AFF3: variants seen among roughly 807,000 people sequenced by gnomAD.
AFF3 encodes AF4/FMR2 family member 3.
In AFF3, 32 loss-of-function variants were observed where a neutral mutation model predicts 129.7. The observed-to-expected ratio is 0.25, with a 90% CI of 0.19 to 0.33. The LOEUF (loss-of-function observed/expected upper bound fraction) is 0.33, where lower values mean the gene tolerates loss of function less well. AFF3 is among the 10% of genes least tolerant of loss of function. AFF3 has a pLI of 1.00. For missense variants in AFF3, 1,373 were observed against 1,592.0 expected (o/e 0.86, Z 2.34); for synonymous variants, 644 against 635.4 (o/e 1.01, Z -0.20).
chr2:99,966,227 T>C (rs1204921506), intron 7 of AFF3, among the ~76,000 whole-genome samples: 3 of 152,164 alleles, frequency 2.0e-5, no homozygotes, highest in African/African-American at 7.2e-5. Context: ...CTAAATTAGA[T>C]GGACTTAATA....
At chr2:99,938,883 T>A (rs545010951) in intron 7 of AFF3, among the ~76,000 whole-genome samples, 1 of 152,214 alleles carries the variant, frequency 6.6e-6, no homozygotes. Flanking sequence ...AGAGATTCTA[T>A]GGCCTTTATA....
chr2:99,927,011 C>A (rs537095419), intron 7 of AFF3, among the ~76,000 whole-genome samples: 1 of 152,278 alleles, frequency 6.6e-6, no homozygotes, highest in African/African-American at 2.4e-5. Flanking sequence ...CTCACACAGG[C>A]TCAGGGCATA....
intron 1 of AFF3, among the ~76,000 whole-genome samples, chr2:100,133,846 T>C (rs972833295): frequency 1.3e-5 from 2 of 152,066 alleles, no homozygotes; most frequent in African/African-American, 4.8e-5. Context: ...GGCAGGAGAA[T>C]GGCATGCACC....
chr2:99,896,620 CTTTTTTTTTTTTTTTTTT>C (rs35573862), intron 7 of AFF3, among the ~76,000 whole-genome samples: 32 of 36,076 alleles, frequency 8.9e-4, no homozygotes, highest in African/African-American at 2.4e-3. Flanking sequence ...TGTCAAAATG[CTTTTTTTTTTTTTTTTTT>C]TTTTTTTTTT....
chr2:99,922,252 T>G (rs1158974373), intron 7 of AFF3, among the ~76,000 whole-genome samples: 1 of 152,220 alleles, frequency 6.6e-6, no homozygotes, highest in East Asian at 1.9e-4. Flanking sequence ...AAACCATGTA[T>G]CTACAGAAAT....
At chr2:99,824,402 A>G (rs1235254894) in intron 8 of AFF3, among the ~76,000 whole-genome samples, 1 of 152,220 alleles carries the variant, frequency 6.6e-6, no homozygotes, top group Non-Finnish European at 1.5e-5. Context: ...GGTGTGAGCC[A>G]CAGCACCCAG....
Position 99,826,218 on chromosome 2 carries a change from T to C in AFF3, c.921+11259A>G, listed in dbSNP as rs573901137. ...TTAGTAGTGACGGGGTTTCACCATG[T>C]TGGCCAGGCTGGTCTCGACCTCCTG... On this transcript the variant is annotated intron_variant, in intron 8 of 24. Transcript: ENST00000672756. Among the ~76,000 whole-genome samples the C allele has an allele frequency of 9.9e-5, 15 of 152,236 alleles. No individual in the cohort carries two copies. The East Asian group carries it at 2.7e-3, about 27-fold the overall frequency.
At chr2:99,662,087 C>T (rs976168366) in intron 12 of AFF3, among the ~76,000 whole-genome samples, 4 of 151,990 alleles carry the variant, frequency 2.6e-5, no homozygotes, top group East Asian at 3.9e-4. Context: ...TTGCAGTGGG[C>T]CAAGATCGCG....
intron 11 of AFF3, among the ~76,000 whole-genome samples, chr2:99,680,306 T>C (rs1327574288): frequency 6.6e-6 from 1 of 152,232 alleles, no homozygotes; most frequent in Non-Finnish European, 1.5e-5. Flanking sequence ...ATCCTGTCTT[T>C]GTCTGTTTTA....
chr2:100,080,562 G>A (rs1229180395), intron 4 of AFF3, among the ~76,000 whole-genome samples: 1 of 152,056 alleles, frequency 6.6e-6, no homozygotes, highest in Admixed American at 6.6e-5. Context: ...TCTAAAGGGA[G>A]GGAGGGAGGA....
At chr2:100,031,238 G>A (rs1368973888) in intron 4 of AFF3, among the ~76,000 whole-genome samples, 3 of 152,210 alleles carry the variant, frequency 2.0e-5, no homozygotes, top group Admixed American at 6.5e-5. Flanking sequence ...CATGCATACT[G>A]GAATTAAAGA....
Position 99,593,283 on chromosome 2 carries a change from G to A in AFF3, c.2378C>T (p.Ala793Val), listed in dbSNP as rs562542083. Reference protein sequence around the residue: ...PQEPGVLSAPATKDSESAPPS... With the variant: ...PQEPGVLSAPVTKDSESAPPS... ...CGGTGCGCTCTCAGAGTCCTTGGTG[G>A]CAGGGGCGCTCAATACCCCTGGCTC... Residue 793 changes from alanine (A) to valine (V), a missense_variant, in exon 15 of 25, where the codon GCC becomes GTC. Physicochemically the swap from Ala to Val is moderately conservative, Grantham distance 64. Around this residue, in one of 9 missense-constraint regions of AFF3, gnomAD observed 466 missense variants for 505.0 expected, o/e 0.92. Transcript: ENST00000672756. The A allele has an allele frequency of 1.3e-5, 21 of 1,613,850 alleles. No individual in the cohort carries two copies. The highest frequency in any genetic ancestry group is 1.8e-5 in the Non-Finnish European group (21 of 1,179,838).
intron 7 of AFF3, among the ~76,000 whole-genome samples, chr2:99,903,935 GAAGA>G (rs1426296971): frequency 2.0e-5 from 3 of 152,090 alleles, no homozygotes; most frequent in Non-Finnish European, 2.9e-5. Context: ...TTTTCTAAAT[GAAGA>G]GAGAATTTAA....
chr2:100,061,857 A>AGGT (rs1553515726), intron 4 of AFF3, among the ~76,000 whole-genome samples: 1 of 97,270 alleles, frequency 1.0e-5, no homozygotes, highest in African/African-American at 3.2e-5. Context: ...AGCACAGTGG[A>AGGT]GGGGGGGGGG....
chr2:100,096,045 A>G (rs1272837663), intron 4 of AFF3, among the ~76,000 whole-genome samples: 9 of 152,042 alleles, frequency 5.9e-5, no homozygotes, highest in African/African-American at 1.9e-4. Flanking sequence ...GGGTAGTGCA[A>G]TAATTCTGCA....
At chr2:100,091,368 C>T (rs1171681073) in intron 4 of AFF3, among the ~76,000 whole-genome samples, 1 of 152,014 alleles carries the variant, frequency 6.6e-6, no homozygotes, top group South Asian at 2.1e-4. Context: ...CGTGGGACTC[C>T]TGTCTTTTCT....
At chr2:99,751,915 T>A (rs1435973508) in intron 9 of AFF3, among the ~76,000 whole-genome samples, 1 of 152,238 alleles carries the variant, frequency 6.6e-6, no homozygotes, top group Non-Finnish European at 1.5e-5. Context: ...TACAATTTTA[T>A]ACATCACATT....
chr2:99,644,922 T>C (rs1684557447), intron 13 of AFF3, among the ~76,000 whole-genome samples: 2 of 152,172 alleles, frequency 1.3e-5, no homozygotes, highest in Admixed American at 1.3e-4. Context: ...CAGCATCAAA[T>C]ACACCGACCC....
intron 7 of AFF3, among the ~76,000 whole-genome samples, chr2:99,875,154 T>C (rs1358555071): frequency 6.6e-6 from 1 of 152,202 alleles, no homozygotes; most frequent in Non-Finnish European, 1.5e-5. Context: ...GCTTATCTGT[T>C]TGGCCTTGTC....
Sources: gnomAD v4.1 joint callset for allele counts (sites outside exome capture counted in the v4.1 genomes callset) on GRCh38, gnomAD v4.1.1 for gene constraint, gnomAD v4.1.1 regional missense constraint, MANE v1.5 for transcripts, NCBI Gene and HGNC (gene_info 2026-07-23, HGNC 2026-07-21) for gene names.